Variants in C2CD3 observed in about 807,000 individuals in gnomAD.
The protein encoded by C2CD3 is C2 domain-containing protein 3.
C2CD3 carries 148 observed loss-of-function variants against 234.0 expected under a neutral mutation model. The observed-to-expected ratio is 0.63, with a 90% confidence interval of 0.55 to 0.72. The LOEUF (loss-of-function observed/expected upper bound fraction) is 0.72, where lower values mean the gene tolerates loss of function less well. Ranked by LOEUF, C2CD3 falls within the 30% of genes least tolerant of loss-of-function variation. C2CD3 has a pLI of 0.00. For synonymous variants in C2CD3, 1,000 were observed against 1,035.4 expected, an observed-to-expected ratio of 0.97 and a Z score of 0.66; for missense variants, 2,577 against 2,811.5, an observed-to-expected ratio of 0.92 and a Z score of 1.89.
At chr11:74,096,011 T>A (rs1206031094) in intron 16 of C2CD3, among the ~76,000 whole-genome samples, 1 of 152,238 alleles carries the variant, frequency 6.6e-6, no homozygotes, top group African/African-American at 2.4e-5. Flanking sequence ...ACACCAGGAC[T>A]GTCCAATAAT....
At chr11:74,019,369 G>A (rs973469816) in intron 32 of C2CD3, among the ~76,000 whole-genome samples, 3 of 152,346 alleles carry the variant, frequency 2.0e-5, no homozygotes, top group South Asian at 2.1e-4. Context: ...CCGTGGCCAA[G>A]TTGCTTATCT....
At position 74,033,804 on chromosome 11, in the gene C2CD3, C is replaced by A; in HGVS notation, c.6356G>T (p.Cys2119Phe). The change falls in exon 31 of 33, where the codon TGC (cysteine) becomes TTC (phenylalanine). Residue 2119 changes from cysteine to phenylalanine, a missense_variant. By Grantham distance (205) the Cys-to-Phe change is radical. Transcript: ENST00000334126. ...ACTTTTGACCATAAGCTCCTCTCTG[C>A]AGAAAGGCCCTGGAGAAGGACAAGA... ...GPSCPSPGPFCREELMVKSSF... is the reference protein window; with the variant it reads ...GPSCPSPGPFFREELMVKSSF... The A allele has an allele frequency of 6.5e-7, 1 of 1,536,286 alleles. No individual in the cohort carries two copies. Among genetic ancestry groups the A allele is most frequent in the Non-Finnish European group, 8.7e-7 (1 of 1,146,946 alleles).
chr11:74,153,505 C>T (rs1189174539), intron 3 of C2CD3, among the ~76,000 whole-genome samples: 2 of 152,074 alleles, frequency 1.3e-5, no homozygotes, highest in Non-Finnish European at 2.9e-5. Flanking sequence ...TGCAAGCCTG[C>T]ATGATGCTAA....
intron 22 of C2CD3, among the ~76,000 whole-genome samples, chr11:74,083,263 C>T (rs1235071812): frequency 3.3e-5 from 5 of 152,232 alleles, no homozygotes; most frequent in African/African-American, 7.2e-5. Flanking sequence ...AACTGGATCC[C>T]TTCCTTACAC....
At chr11:74,109,227 A>AC (rs774776389) in intron 11 of C2CD3, 75 bp from the exon 12 acceptor site, 11 of 714,146 alleles carry the variant, frequency 1.5e-5, no homozygotes, top group Non-Finnish European at 2.6e-5. Context: ...CCTTGATACC[A>AC]CCTGCCTCCC....
intron 25 of C2CD3, among the ~76,000 whole-genome samples, 184 bp downstream of exon 25, chr11:74,057,222 A>C (rs1404406812): frequency 6.6e-6 from 1 of 152,220 alleles, no homozygotes; most frequent in Non-Finnish European, 1.5e-5. Context: ...AAACACTAAA[A>C]CAAAACCTTT....
chr11:74,146,100 A>G (rs564627229), intron 3 of C2CD3, among the ~76,000 whole-genome samples: 2 of 152,268 alleles, frequency 1.3e-5, no homozygotes, highest in Non-Finnish European at 2.9e-5. Context: ...CTGAATAAAC[A>G]GAAAGTACAC....
chr11:74,161,627 G>C, intron 2 of C2CD3, 71 bp from the exon 3 acceptor site: 1 of 1,030,758 alleles, frequency 9.7e-7, no homozygotes, highest in Non-Finnish European at 1.4e-6. Flanking sequence ...CGTGGGTAGA[G>C]GGGTATATGC....
chr11:74,126,348 G>A lies in C2CD3; in HGVS notation c.1218-3213C>T, dbSNP rs142126905. On this transcript the variant is annotated intron_variant, in intron 7 of 32. Coordinates refer to ENST00000334126, the MANE Select transcript of C2CD3 (RefSeq NM_001286577.2). ...TAAAATTTCATAATTATGTGTCTTG[G>A]TGTATCTTTTTTCATTCACTGTTCT... is the stretch of plus-strand genomic sequence containing the variant. Among the ~76,000 whole-genome samples the A allele has an allele frequency of 1.4e-3, 215 of 152,096 alleles. 2 individuals are homozygous for A. The highest frequency in any genetic ancestry group is 4.0e-3 in the African/African-American group (167 of 41,496).
chr11:74,093,376 A>G (rs1955973192), intron 18 of C2CD3, among the ~76,000 whole-genome samples: 1 of 148,608 alleles, frequency 6.7e-6, no homozygotes, highest in Non-Finnish European at 1.5e-5. Context: ...AATTATATTT[A>G]TAAAATAAAT....
intron 24 of C2CD3, among the ~76,000 whole-genome samples, chr11:74,063,648 G>C (rs1954361494): frequency 6.6e-6 from 1 of 152,090 alleles, no homozygotes; most frequent in African/African-American, 2.4e-5. Context: ...AGCTATTTAT[G>C]ACAAACCCAC....
chr11:74,056,840 T>C (rs1296979344), intron 25 of C2CD3, among the ~76,000 whole-genome samples: 1 of 152,126 alleles, frequency 6.6e-6, no homozygotes, highest in African/African-American at 2.4e-5. Flanking sequence ...TTCTAGGTTG[T>C]CCTAAATAAT....
intron 3 of C2CD3, among the ~76,000 whole-genome samples, chr11:74,160,260 T>G (rs1293870256): frequency 6.6e-6 from 1 of 152,080 alleles, no homozygotes. Flanking sequence ...TCAAAGGAAA[T>G]AAAATCAGTA....
intron 31 of C2CD3, among the ~76,000 whole-genome samples, chr11:74,029,516 C>T (rs1296950318): frequency 6.6e-6 from 1 of 152,204 alleles, no homozygotes; most frequent in Non-Finnish European, 1.5e-5. Flanking sequence ...AATGGAGATC[C>T]CGAAGGGAAA....
chr11:74,055,506 G>A (rs193110899), intron 25 of C2CD3, among the ~76,000 whole-genome samples: 29 of 152,312 alleles, frequency 1.9e-4, no homozygotes, highest in African/African-American at 6.0e-4. Context: ...AAACACCCCT[G>A]GGGAAGTGAA....
chr11:74,133,874 A>G (rs985047812), intron 5 of C2CD3, among the ~76,000 whole-genome samples: 1 of 152,200 alleles, frequency 6.6e-6, no homozygotes, highest in African/African-American at 2.4e-5. Flanking sequence ...TAATAAGGTT[A>G]GTAATGTTTA....
chr11:74,086,903 G>A (rs539355313), intron 20 of C2CD3, among the ~76,000 whole-genome samples: 1 of 152,266 alleles, frequency 6.6e-6, no homozygotes, highest in Admixed American at 6.5e-5. Flanking sequence ...GTACTTCATA[G>A]AGAGTAGTAA....
intron 5 of C2CD3, among the ~76,000 whole-genome samples, chr11:74,136,404 G>C (rs1300606501): frequency 6.6e-6 from 1 of 152,186 alleles, no homozygotes; most frequent in African/African-American, 2.4e-5. Context: ...TGGCCAGCAA[G>C]GTCTTGATTT....
At chr11:74,074,103 C>T in intron 24 of C2CD3, 150 bp downstream of exon 24, 1 of 654,700 alleles carries the variant, frequency 1.5e-6, no homozygotes, top group Non-Finnish European at 2.6e-6. Flanking sequence ...TTCAGAAAAG[C>T]TTTCATGTTG....
Sources: gnomAD v4.1 joint callset for allele counts (sites outside exome capture counted in the v4.1 genomes callset) on GRCh38, gnomAD v4.1.1 for gene constraint, MANE v1.5 for transcripts, NCBI Gene and HGNC (gene_info 2026-07-23, HGNC 2026-07-21) for gene names.